The following DCC variants were observed in gnomAD, a reference collection of about 807,000 sequenced individuals.
DCC encodes DCC netrin 1 receptor, also known as netrin receptor DCC.
Under a neutral mutation model 172.5 loss-of-function variants are expected in DCC, and 58 were observed. The observed-to-expected ratio is 0.34, with a 90% CI of 0.27 to 0.42. DCC has a LOEUF of 0.42. Ranked by LOEUF, DCC falls within the 10% of genes least tolerant of loss-of-function variation. DCC has a pLI of 1.00. For missense variants in DCC, 1,740 were observed against 1,791.0 expected, an observed-to-expected ratio of 0.97 and a Z score of 0.51; for synonymous variants, 709 against 644.5, an observed-to-expected ratio of 1.10 and a Z score of -1.52.
At chr18:53,519,791 C>G (rs1790001893) in intron 27 of DCC, among the ~76,000 whole-genome samples, 1 of 152,108 alleles carries the variant, frequency 6.6e-6, no homozygotes, top group African/African-American at 2.4e-5. Flanking sequence ...TTCCCTGTAG[C>G]TACAATCTAG....
intron 2 of DCC, among the ~76,000 whole-genome samples, chr18:52,870,166 C>A (rs2039296891): frequency 6.6e-6 from 1 of 152,224 alleles, no homozygotes; most frequent in African/African-American, 2.4e-5. Flanking sequence ...CGGCCCAGAT[C>A]TGCCTCCTCC....
intron 14 of DCC, among the ~76,000 whole-genome samples, chr18:53,331,040 A>C (rs1242979105): frequency 6.6e-6 from 1 of 152,192 alleles, no homozygotes; most frequent in African/African-American, 2.4e-5. Flanking sequence ...ACTGATTTTC[A>C]TCCTTACATA....
intron 15 of DCC, among the ~76,000 whole-genome samples, chr18:53,348,568 G>T (rs1346083131): frequency 1.3e-5 from 2 of 152,134 alleles, no homozygotes; most frequent in African/African-American, 2.4e-5. Context: ...GCCCCAGTAG[G>T]GACTCTGTAT....
intron 16 of DCC, among the ~76,000 whole-genome samples, chr18:53,389,994 T>C (rs1201084628): frequency 6.6e-6 from 1 of 152,210 alleles, no homozygotes; most frequent in Non-Finnish European, 1.5e-5. Context: ...TATCACGTTC[T>C]TCTTGTAAAG....
At chr18:52,748,872 C>A (rs1331894771) in intron 1 of DCC, among the ~76,000 whole-genome samples, 3 of 152,052 alleles carry the variant, frequency 2.0e-5, no homozygotes. Context: ...CTGTAGGTAG[C>A]CATGGAAAAG....
intron 1 of DCC, among the ~76,000 whole-genome samples, chr18:52,608,976 A>G (rs1221884): frequency 0.81 from 123,536 of 152,104 alleles, 50,943 homozygotes; most frequent in Middle Eastern, 0.91. Flanking sequence ...AAATCCCATA[A>G]ACTCCAGTGA....
intron 5 of DCC, among the ~76,000 whole-genome samples, chr18:53,005,106 T>TG (rs1363959244): frequency 2.6e-5 from 4 of 152,182 alleles, no homozygotes; most frequent in Non-Finnish European, 5.9e-5. Context: ...CCTAGCCAGA[T>TG]GGGGGCCCCT....
At chr18:53,365,584 G>C (rs541361436) in intron 15 of DCC, among the ~76,000 whole-genome samples, 5 of 152,216 alleles carry the variant, frequency 3.3e-5, no homozygotes, top group South Asian at 2.1e-4. Flanking sequence ...AATTGTTATA[G>C]CTGTTGGGTA....
chr18:52,857,006 T>G (rs953090928), intron 2 of DCC, among the ~76,000 whole-genome samples: 4 of 152,264 alleles, frequency 2.6e-5, no homozygotes, highest in African/African-American at 9.6e-5. Context: ...AAATTCTATA[T>G]GTATAAGCAG....
chr18:52,902,659 A>G (rs1302143508), intron 2 of DCC, among the ~76,000 whole-genome samples: 1 of 152,186 alleles, frequency 6.6e-6, no homozygotes, highest in Non-Finnish European at 1.5e-5. Context: ...CTATAGTACT[A>G]AGTTGATAGT....
chr18:52,553,915 T>C (rs1283511782), intron 1 of DCC, among the ~76,000 whole-genome samples: 3 of 152,064 alleles, frequency 2.0e-5, no homozygotes, highest in Non-Finnish European at 2.9e-5. Flanking sequence ...TGTCATGTGA[T>C]AGTGACTTTA....
chr18:52,833,764 A>C (rs1229955450), intron 2 of DCC, among the ~76,000 whole-genome samples: 1 of 152,174 alleles, frequency 6.6e-6, no homozygotes, highest in East Asian at 1.9e-4. Context: ...AGGCTTGAGC[A>C]GTCCTCCTGC....
At chr18:53,116,740 T>A (rs1007087710) in intron 7 of DCC, among the ~76,000 whole-genome samples, 2 of 151,672 alleles carry the variant, frequency 1.3e-5, no homozygotes, top group Non-Finnish European at 3.0e-5. Context: ...TTTGTAAAAA[T>A]TAATCTTTCT....
Position 52,972,252 on chromosome 18 carries a change from C to T in DCC, c.985+46882C>T, listed in dbSNP as rs181492875. Among the ~76,000 whole-genome samples the T allele has an allele frequency of 1.9e-3, 293 of 152,242 alleles. 2 individuals are homozygous for T. Among genetic ancestry groups the T allele is most frequent in the Admixed American group, 0.017 (254 of 15,280 alleles). On this transcript the variant is annotated intron_variant, in intron 5 of 28. Coordinates refer to ENST00000442544, the MANE Select transcript of DCC (RefSeq NM_005215.4). ...AGTAAACAAAAACACATTTATCATA[C>T]TTATCAATTGAGTTATTATTTTAAA...
intron 8 of DCC, among the ~76,000 whole-genome samples, chr18:53,171,104 C>G (rs1469602018): frequency 1.3e-5 from 2 of 152,040 alleles, no homozygotes; most frequent in African/African-American, 2.4e-5. Flanking sequence ...AGGCTGGTCT[C>G]GAACTCCTGA....
chr18:53,068,940 T>C (rs576330094), intron 7 of DCC, among the ~76,000 whole-genome samples: 2 of 152,188 alleles, frequency 1.3e-5, no homozygotes, highest in Non-Finnish European at 2.9e-5. Flanking sequence ...CTGACAAATC[T>C]AGTTTCTTAG....
chr18:52,866,903 C>T (rs1229686983), intron 2 of DCC, among the ~76,000 whole-genome samples: 1 of 152,174 alleles, frequency 6.6e-6, no homozygotes, highest in Non-Finnish European at 1.5e-5. Flanking sequence ...CTGGCCAGCA[C>T]TTCCAATACT....
intron 21 of DCC, among the ~76,000 whole-genome samples, chr18:53,429,014 T>C (rs1385598005): frequency 1.7e-5 from 1 of 60,280 alleles, no homozygotes. Flanking sequence ...ATATATATTT[T>C]ATATATTTTT....
At position 53,423,596 on chromosome 18, in the gene DCC, C is replaced by T. The variant is rs576986517; in HGVS notation, c.3163+7440C>T. ...CAACTAAGCAAAGTCTTCTTTGAGA[C>T]TCCCTTCTCAATTTTACTTTTTTCA... On this transcript the variant is annotated intron_variant, in intron 21 of 28. Transcript: ENST00000442544. Among the ~76,000 whole-genome samples the T allele has an allele frequency of 3.9e-5, 6 of 152,266 alleles. No homozygotes were observed. The East Asian group carries it at 1.2e-3, about 29-fold the overall frequency.
Sources: allele counts gnomAD v4.1 joint callset (sites outside exome capture counted in the v4.1 genomes callset), GRCh38; gene constraint gnomAD v4.1.1; transcripts MANE v1.5; gene names NCBI Gene and HGNC (gene_info 2026-07-23, HGNC 2026-07-21).